XXYLT1: variants seen among roughly 807,000 people sequenced by gnomAD.
XXYLT1 encodes UDP-xylose:alpha-xyloside alpha-1,3-xylosyltransferase.
XXYLT1 carries 20 observed loss-of-function variants against 28.9 expected under a neutral mutation model. That is an observed-to-expected ratio of 0.69 (90% CI 0.49 to 1.00). XXYLT1 has a LOEUF of 1.00. Among genes scored for constraint, XXYLT1 ranks in the 50% least tolerant of loss-of-function variants. The probability of loss-of-function intolerance (pLI) is 0.00; values close to 1 mark genes in which losing one functional copy is unlikely to be tolerated. For missense variants in XXYLT1, 542 were observed against 560.1 expected (o/e 0.97, Z 0.33); for synonymous variants, 257 against 253.8 (o/e 1.01, Z -0.12).
intron 3 of XXYLT1, among the ~76,000 whole-genome samples, chr3:195,072,266 A>C (rs1224141844): frequency 1.3e-5 from 2 of 152,206 alleles, no homozygotes; most frequent in Non-Finnish European, 2.9e-5. Context: ...CAACCTCCCC[A>C]CCAGATCTAC....
rs1008568545 is a variant in XXYLT1 at position 195,209,354 on chromosome 3, C to T, written c.652+17355G>A. 1 of 152,322 alleles carries T rather than the reference C, an allele frequency of 6.6e-6. No homozygotes were observed. The highest frequency in any genetic ancestry group is 6.5e-5 in the Admixed American group (1 of 15,290). 9.4% of individuals were successfully genotyped at this position (152,322 alleles called of 1,614,324 possible). On this transcript the variant is annotated intron_variant, in intron 2 of 3. Transcript: ENST00000310380. The surrounding 1 kb of genome is among the most constrained non-coding windows in gnomAD (Gnocchi z 5.0). ...CCACTCACGTGGTGGAGTCACTCCGCTGCTGCGTGCTCCTGTCCACACAGG... is the reference window on the plus strand; with the variant it reads ...CCACTCACGTGGTGGAGTCACTCCGTTGCTGCGTGCTCCTGTCCACACAGG...
At chr3:195,127,223 A>T (rs535404094) in intron 3 of XXYLT1, among the ~76,000 whole-genome samples, 1 of 152,164 alleles carries the variant, frequency 6.6e-6, no homozygotes, top group African/African-American at 2.4e-5. Context: ...AGGAAGGGAG[A>T]CACAGCAAAA....
At chr3:195,247,110 C>A (rs568542860) in intron 1 of XXYLT1, among the ~76,000 whole-genome samples, 2 of 152,204 alleles carry the variant, frequency 1.3e-5, no homozygotes, top group Admixed American at 1.3e-4. Flanking sequence ...CTAAATTTTC[C>A]GGACAGTAGA....
rs114229982 is a variant in XXYLT1 at position 195,178,862 on chromosome 3, T to C, written c.653-22281A>G. 3.2e-3 allele frequency among the ~76,000 whole-genome samples: 487 copies of C among 152,332 alleles called. 4 individuals carry two copies. The highest frequency in any genetic ancestry group is 0.011 in the African/African-American group (465 of 41,570). ...AAAAGAAAGGAAATAGGCTTCTTCATTGAGATCGAGAGCTGAAGCATCAAG... is the reference window on the plus strand; with the variant it reads ...AAAAGAAAGGAAATAGGCTTCTTCACTGAGATCGAGAGCTGAAGCATCAAG... On this transcript the variant is annotated intron_variant, in intron 2 of 3. Coordinates refer to ENST00000310380, the MANE Select transcript of XXYLT1 (RefSeq NM_152531.5).
chr3:195,153,214 T>A (rs1327796984), intron 3 of XXYLT1, among the ~76,000 whole-genome samples: 1 of 152,244 alleles, frequency 6.6e-6, no homozygotes, highest in Non-Finnish European at 1.5e-5. Flanking sequence ...AAGCAGCAGA[T>A]AATTAATGCC....
In XXYLT1 at chr3:195,215,301, G is replaced by T. The variant is rs199769067; in HGVS notation, c.652+11408C>A. On this transcript the variant is annotated intron_variant, in intron 2 of 3. Transcript: ENST00000310380. Reference sequence around the variant, plus strand: ...TAACCAGCTAACATCATAATGACAGGATCAAATTCACACATAACAATATTA... The same window carrying T: ...TAACCAGCTAACATCATAATGACAGTATCAAATTCACACATAACAATATTA... Among the ~76,000 whole-genome samples the T allele has an allele frequency of 8.2e-3, 1,050 of 127,518 alleles. 9 individuals are homozygous for T. Among genetic ancestry groups the T allele is most frequent in the African/African-American group, 0.024 (806 of 33,914 alleles). The allele number at this position is 127,518 out of a possible 152,430, so 83.7% of individuals were successfully genotyped here.
Position 195,070,057 on chromosome 3 carries a change from C to T in XXYLT1, c.840G>A (p.Pro280=), listed in dbSNP as rs761047837. The change falls in exon 4 of 4, where the codon CCG becomes CCA. Residue 280 remains proline (P), a synonymous_variant. Coordinates refer to ENST00000310380, the MANE Select transcript of XXYLT1 (RefSeq NM_152531.5). ...HENPQTRVGG[P]PPEGLPGFNS... is the part of the protein sequence containing the mutation. ...TGAAGCCCGGCAGCCCCTCGGGGGG[C>T]GGGCCCCCAACCCGGGTCTGGGGGT... The T allele has an allele frequency of 1.3e-5, 21 of 1,595,592 alleles. No homozygotes were observed. The highest frequency in any genetic ancestry group is 8.4e-5 in the Admixed American group (5 of 59,306).
intron 2 of XXYLT1, among the ~76,000 whole-genome samples, chr3:195,161,634 A>ATT (rs35541699): frequency 5.0e-5 from 7 of 138,854 alleles, no homozygotes; most frequent in African/African-American, 8.1e-5. Context: ...AGATATATAG[A>ATT]TTTTTTTTTT....
chr3:195,212,940 A>G (rs11918143), intron 2 of XXYLT1, among the ~76,000 whole-genome samples: 22,965 of 152,236 alleles, frequency 0.15, 3,892 homozygotes, highest in African/African-American at 0.41. Flanking sequence ...CACCCATGGT[A>G]TGCCGCCAGA....
chr3:195,203,009 A>G (rs1334554521), intron 2 of XXYLT1, among the ~76,000 whole-genome samples: 2 of 152,136 alleles, frequency 1.3e-5, no homozygotes, highest in African/African-American at 4.8e-5. Flanking sequence ...GGCTCTCACT[A>G]TGTTGTCCAG....
At chr3:195,187,911 T>C (rs1295865474) in intron 2 of XXYLT1, among the ~76,000 whole-genome samples, 1 of 152,232 alleles carries the variant, frequency 6.6e-6, no homozygotes, top group Non-Finnish European at 1.5e-5. Flanking sequence ...TTCAACCTTT[T>C]ACCCCCAACC....
Position 195,192,502 on chromosome 3 carries a change from C to T in XXYLT1, c.652+34207G>A, listed in dbSNP as rs189960185. Reference sequence around the variant, plus strand: ...GAAAAGGAACACTTCCCAACTCATTCTATGAGACAAAAGAGAGCACAAGAA... The same window carrying T: ...GAAAAGGAACACTTCCCAACTCATTTTATGAGACAAAAGAGAGCACAAGAA... On this transcript the variant is annotated intron_variant, in intron 2 of 3. Coordinates refer to ENST00000310380, the MANE Select transcript of XXYLT1 (RefSeq NM_152531.5). 3.6e-3 allele frequency among the ~76,000 whole-genome samples: 543 copies of T among 152,182 alleles called. 3 individuals carry two copies. The highest frequency in any genetic ancestry group is 0.013 in the African/African-American group (522 of 41,534).
intron 2 of XXYLT1, among the ~76,000 whole-genome samples, chr3:195,200,414 TC>T (rs1195000004): frequency 1.1e-4 from 17 of 152,224 alleles, no homozygotes; most frequent in Non-Finnish European, 2.2e-4. Flanking sequence ...CACAGTGGGT[TC>T]ACTGGTAATA....
intron 1 of XXYLT1, among the ~76,000 whole-genome samples, chr3:195,243,905 TGA>T (rs1210214406): frequency 6.6e-6 from 1 of 152,188 alleles, no homozygotes; most frequent in African/African-American, 2.4e-5. Flanking sequence ...CACAAACAGC[TGA>T]GAGGGGAAAA....
intron 1 of XXYLT1, among the ~76,000 whole-genome samples, chr3:195,235,373 C>G (rs942055875): frequency 6.6e-6 from 1 of 152,160 alleles, no homozygotes; most frequent in Non-Finnish European, 1.5e-5. Flanking sequence ...TTAATTATTT[C>G]AATTTGTTTG....
intron 2 of XXYLT1, among the ~76,000 whole-genome samples, chr3:195,179,155 T>A (rs568422400): frequency 8.0e-4 from 121 of 151,800 alleles, no homozygotes; most frequent in African/African-American, 2.8e-3. Context: ...TCTTGGGCAA[T>A]ATGGTGAAAC....
In XXYLT1 at chr3:195,077,579, G is replaced by A. The variant is rs1463584708; in HGVS notation, c.786-7468C>T. ...AAAGGTGACCCATAGTGTCAGTCTC[G>A]TTCCCAAAGCTGTACCAGCTATGAC... is the stretch of plus-strand genomic sequence containing the variant. On this transcript the variant is annotated intron_variant, in intron 3 of 3. Transcript: ENST00000310380. The surrounding 1 kb of genome is among the most constrained non-coding windows in gnomAD (Gnocchi z 4.8). 1.3e-5 allele frequency among the ~76,000 whole-genome samples: 2 copies of A among 152,136 alleles called. No individual in the cohort carries two copies. Among genetic ancestry groups the A allele is most frequent in the Non-Finnish European group, 2.9e-5 (2 of 68,006 alleles).
At chr3:195,122,172 C>T (rs1718393968) in intron 3 of XXYLT1, 1 of 702,994 alleles carries the variant, frequency 1.4e-6, no homozygotes, top group Non-Finnish European at 2.6e-6. Context: ...TCTCTTTCAT[C>T]AGGACACTCA....
At chr3:195,131,112 G>A (rs1718888331) in intron 3 of XXYLT1, among the ~76,000 whole-genome samples, 1 of 152,148 alleles carries the variant, frequency 6.6e-6, no homozygotes, top group Admixed American at 6.5e-5. Flanking sequence ...CCTTGTGCCG[G>A]CCTGCTCCAT....
Sources: gnomAD v4.1 joint callset for allele counts (sites outside exome capture counted in the v4.1 genomes callset) on GRCh38, gnomAD v4.1.1 for gene constraint, Gnocchi (gnomAD v3.1) non-coding constraint, MANE v1.5 for transcripts, NCBI Gene and HGNC (gene_info 2026-07-23, HGNC 2026-07-21) for gene names.